The following TTLL11 variants were observed in gnomAD, a reference collection of about 807,000 sequenced individuals.
TTLL11 encodes the protein tubulin tyrosine ligase like 11.
TTLL11 carries 42 observed loss-of-function variants against 51.7 expected under a neutral mutation model. The observed-to-expected ratio is 0.81, with a 90% confidence interval of 0.64 to 1.05. The LOEUF is 1.05. Ranked by LOEUF, TTLL11 falls within the 50% of genes least tolerant of loss-of-function variation. The pLI is 0.00. For missense variants in TTLL11, 799 were observed against 940.4 expected, an observed-to-expected ratio of 0.85 and a Z score of 1.97; for synonymous variants, 381 against 383.5, an observed-to-expected ratio of 0.99 and a Z score of 0.08.
At chr9:122,005,211 C>T (rs1360159306) in intron 3 of TTLL11, among the ~76,000 whole-genome samples, 1 of 152,122 alleles carries the variant, frequency 6.6e-6, no homozygotes, top group Non-Finnish European at 1.5e-5. Context: ...TGTCCGGGTG[C>T]GGAGGGGATT....
intron 6 of TTLL11, among the ~76,000 whole-genome samples, chr9:121,872,928 T>G (rs1287856816): frequency 6.6e-6 from 1 of 152,180 alleles, no homozygotes; most frequent in African/African-American, 2.4e-5. Flanking sequence ...ACCTTGAACT[T>G]AAGACAGTAA....
chr9:122,015,807 C>CAAAAAAAAAAAAAAAAAAA (rs11297849), intron 3 of TTLL11, among the ~76,000 whole-genome samples: 4 of 94,482 alleles, frequency 4.2e-5, no homozygotes, highest in Admixed American at 1.2e-4. Flanking sequence ...TCAAAAGAGA[C>CAAAAAAAAAAAAAAAAAAA]AAAAAAAAAA....
chr9:121,897,361 C>CT (rs1404654256), intron 6 of TTLL11, among the ~76,000 whole-genome samples: 1 of 152,152 alleles, frequency 6.6e-6, no homozygotes, highest in Non-Finnish European at 1.5e-5. Context: ...CCTGAGCAGC[C>CT]TGAGCCGCTC....
intron 6 of TTLL11, among the ~76,000 whole-genome samples, chr9:121,944,992 G>T (rs191642055): frequency 6.6e-6 from 1 of 152,258 alleles, no homozygotes; most frequent in Admixed American, 6.5e-5. Flanking sequence ...TGTTTTCAGG[G>T]TTAAAAAAAT....
intron 6 of TTLL11, among the ~76,000 whole-genome samples, 182 bp downstream of exon 6, chr9:121,973,827 G>A (rs1314794438): frequency 6.6e-6 from 1 of 152,088 alleles, no homozygotes; most frequent in Non-Finnish European, 1.5e-5. Flanking sequence ...AGATTACTCC[G>A]GATTTGAGTC....
chr9:121,897,903 T>A (rs1839602230), intron 6 of TTLL11, among the ~76,000 whole-genome samples: 2 of 151,102 alleles, frequency 1.3e-5, no homozygotes. Context: ...TCTCCTTCCC[T>A]TCCCTCTCTT....
intron 1 of TTLL11, among the ~76,000 whole-genome samples, chr9:122,045,355 T>C (rs1768848035): frequency 6.6e-6 from 1 of 151,974 alleles, no homozygotes; most frequent in African/African-American, 2.4e-5. Context: ...GGGTTCAAGA[T>C]CAGCCTGGCC....
chr9:121,893,662 C>CAGAG (rs1181663283), intron 6 of TTLL11, among the ~76,000 whole-genome samples: 12 of 152,142 alleles, frequency 7.9e-5, no homozygotes, highest in African/African-American at 2.9e-4. Context: ...TCTACGTCTG[C>CAGAG]TATCCCATTC....
intron 6 of TTLL11, among the ~76,000 whole-genome samples, chr9:121,876,171 C>T (rs1020860481): frequency 2.6e-5 from 4 of 152,360 alleles, no homozygotes; most frequent in African/African-American, 9.6e-5. Flanking sequence ...TCTCACAACA[C>T]ACCCCATGCT....
chr9:121,908,094 T>C (rs1003751038), intron 6 of TTLL11, among the ~76,000 whole-genome samples: 2 of 152,192 alleles, frequency 1.3e-5, no homozygotes, highest in Non-Finnish European at 2.9e-5. Flanking sequence ...CACTGATGTC[T>C]AGCATTCAAA....
At chr9:121,973,937 T>C (rs1842636375) in intron 6 of TTLL11, 72 bp downstream of exon 6, 4 of 1,071,610 alleles carry the variant, frequency 3.7e-6, no homozygotes, top group Admixed American at 4.4e-5. Flanking sequence ...TCCAAGAACT[T>C]ACCTGCTTAG....
Position 122,082,646 on chromosome 9 carries a change from C to CTA in TTLL11, c.462+10039_462+10040dup, listed in dbSNP as rs552733010. 2.5e-3 allele frequency among the ~76,000 whole-genome samples: 381 copies of CTA among 152,058 alleles called. 3 individuals carry two copies. The highest frequency in any genetic ancestry group is 8.8e-3 in the African/African-American group (366 of 41,460). On this transcript the variant is annotated intron_variant, in intron 1 of 8. Transcript: ENST00000321582. ...ATTAGGTTGTTAAAATGAAATGAAT[C>CTA]TATATATATTAACAGAGAAAGATGT...
At chr9:121,880,206 GA>G (rs1181927629) in intron 6 of TTLL11, among the ~76,000 whole-genome samples, 1 of 152,162 alleles carries the variant, frequency 6.6e-6, no homozygotes, top group East Asian at 1.9e-4. Flanking sequence ...CTTTTCTCTG[GA>G]ACCCAGAGAA....
chr9:121,899,920 T>C (rs1405407850), intron 6 of TTLL11, among the ~76,000 whole-genome samples: 1 of 152,118 alleles, frequency 6.6e-6, no homozygotes, highest in Admixed American at 6.5e-5. Context: ...CTCTTAGGAG[T>C]TTTACATTGT....
intron 6 of TTLL11, among the ~76,000 whole-genome samples, chr9:121,891,212 G>A (rs900164020): frequency 6.6e-6 from 1 of 152,202 alleles, no homozygotes; most frequent in Non-Finnish European, 1.5e-5. Flanking sequence ...TCTAAGCGCT[G>A]TTCACTGAGC....
intron 6 of TTLL11, among the ~76,000 whole-genome samples, chr9:121,918,904 T>C (rs924107827): frequency 2.6e-5 from 4 of 152,210 alleles, no homozygotes; most frequent in Non-Finnish European, 5.9e-5. Flanking sequence ...ATATGTAAAG[T>C]TCAAAAACAC....
intron 6 of TTLL11, among the ~76,000 whole-genome samples, chr9:121,943,856 C>T (rs563296437): frequency 7.6e-4 from 116 of 152,308 alleles, no homozygotes; most frequent in African/African-American, 2.7e-3. Context: ...GTCTATCCCC[C>T]TGTGCACCCC....
intron 3 of TTLL11, among the ~76,000 whole-genome samples, chr9:122,001,778 C>T (rs1195197008): frequency 1.3e-5 from 2 of 152,132 alleles, no homozygotes; most frequent in Non-Finnish European, 2.9e-5. Context: ...GTCAGGGCAG[C>T]CAAATGCCTG....
intron 6 of TTLL11, among the ~76,000 whole-genome samples, chr9:121,967,797 A>AT (rs1842446152): frequency 6.6e-6 from 1 of 152,222 alleles, no homozygotes; most frequent in African/African-American, 2.4e-5. Context: ...ATCTCTTGGA[A>AT]TATTATTCAG....
Sources: allele counts gnomAD v4.1 joint callset (sites outside exome capture counted in the v4.1 genomes callset), GRCh38; gene constraint gnomAD v4.1.1; transcripts MANE v1.5; gene names NCBI Gene and HGNC (gene_info 2026-07-23, HGNC 2026-07-21).